The following FBN1 variants were observed in gnomAD, a reference collection of about 807,000 sequenced individuals.
FBN1 encodes the protein fibrillin-1.
In FBN1, 29 loss-of-function variants were observed where a neutral mutation model predicts 365.1. The observed-to-expected ratio is 0.08, with a 90% CI of 0.06 to 0.11. FBN1 has a LOEUF of 0.11. Among genes scored for constraint, FBN1 ranks in the 10% least tolerant of loss-of-function variants. The pLI is 1.00. For synonymous variants in FBN1, 1,210 were observed against 1,270.5 expected, an observed-to-expected ratio of 0.95 and a Z score of 1.01; for missense variants, 2,476 against 3,703.2, an observed-to-expected ratio of 0.67 and a Z score of 8.60.
intron 6 of FBN1, among the ~76,000 whole-genome samples, chr15:48,550,847 T>G (rs953309441): frequency 6.6e-6 from 1 of 152,168 alleles, no homozygotes; most frequent in African/African-American, 2.4e-5. Context: ...CTCTCACTTA[T>G]ATGATTGTCT....
Position 48,520,755 on chromosome 15 carries a change from G to C in FBN1, c.1051C>G (p.Gln351Glu). 2 of 1,614,202 alleles carry C rather than the reference G, an allele frequency of 1.2e-6. No homozygotes were observed. Among genetic ancestry groups the C allele is most frequent in the Non-Finnish European group, 8.5e-7 (1 of 1,180,036 alleles). Residue 351 changes from glutamine to glutamate, a missense_variant, in exon 10 of 66, where the codon CAG becomes GAG. Coordinates refer to ENST00000316623, the MANE Select transcript of FBN1 (RefSeq NM_000138.5). ...CAGCACTGCATTTTGGTTATGGACT[G>C]TGGCAGCTGGTTAGAGCAGCGCCCG... ...TNGRCSNQLP[Q>E]SITKMQCCCD...
chr15:48,493,786 T>C (rs2043580537), intron 23 of FBN1, among the ~76,000 whole-genome samples: 1 of 152,212 alleles, frequency 6.6e-6, no homozygotes, highest in South Asian at 2.1e-4. Flanking sequence ...AGAAACTCCA[T>C]GCAGACTTTC....
chr15:48,580,828 T>C (rs1039754319), intron 6 of FBN1, among the ~76,000 whole-genome samples: 3 of 152,208 alleles, frequency 2.0e-5, no homozygotes, highest in Non-Finnish European at 2.9e-5. Context: ...GTTACTATTC[T>C]ATCCTAAAGA....
intron 2 of FBN1, chr15:48,643,412 T>A (rs115825468): frequency 1.4e-3 from 219 of 152,326 alleles, no homozygotes; most frequent in African/African-American, 5.0e-3. Context: ...AGTGCTTGGC[T>A]CATACAATCA....
In FBN1 at chr15:48,508,374, C is replaced by A. The variant is rs73392200; in HGVS notation, c.1837+208G>T. Among the ~76,000 whole-genome samples the A allele has an allele frequency of 0.015, 2,358 of 152,282 alleles. 68 individuals are homozygous for A. The highest frequency in any genetic ancestry group is 0.055 in the African/African-American group (2,299 of 41,534). On this transcript the variant is annotated intron_variant, in intron 15 of 65. Coordinates refer to ENST00000316623, the MANE Select transcript of FBN1 (RefSeq NM_000138.5). ...GACTCCTTTGAGAAGACCTCAAATA[C>A]CCTTTCTGAAATAACAATAGTCTTC...
intron 43 of FBN1, among the ~76,000 whole-genome samples, 187 bp from the exon 44 acceptor site, chr15:48,456,949 C>T (rs1256290809): frequency 6.6e-6 from 1 of 151,674 alleles, no homozygotes; most frequent in East Asian, 1.9e-4. Flanking sequence ...AACCACTTTC[C>T]AGACATGAGT....
At chr15:48,530,726 T>C (rs2043963823) in intron 8 of FBN1, among the ~76,000 whole-genome samples, 1 of 152,134 alleles carries the variant, frequency 6.6e-6, no homozygotes, top group Non-Finnish European at 1.5e-5. Flanking sequence ...CCCCTAACAG[T>C]AAGTAGCCAT....
intron 6 of FBN1, among the ~76,000 whole-genome samples, chr15:48,555,999 G>A (rs1360598771): frequency 6.6e-6 from 1 of 152,058 alleles, no homozygotes; most frequent in Non-Finnish European, 1.5e-5. Context: ...ATGCTAAAAG[G>A]CCTTTCCAAA....
At chr15:48,485,259 A>T (rs1473978486) in intron 30 of FBN1, 115 bp downstream of exon 30, 3 of 1,345,052 alleles carry the variant, frequency 2.2e-6, no homozygotes. Flanking sequence ...TACAGTTAAA[A>T]TATATGACAA....
At position 48,600,033 on chromosome 15, in the gene FBN1, G is replaced by A. The variant is rs1476462552; in HGVS notation, c.442+106C>T. ...AAGGTCACTGGACACTTGTAAACAT[G>A]CTGTGTCCCAGGTAATCGAAGAAAA... On this transcript the variant is annotated intron_variant, in intron 5 of 65. Coordinates refer to ENST00000316623, the MANE Select transcript of FBN1 (RefSeq NM_000138.5). 17 of 827,790 alleles carry A rather than the reference G, an allele frequency of 2.1e-5. No homozygotes were observed. In the Admixed American group the frequency reaches 3.1e-4, roughly 15 times the overall value. 51.3% of individuals were successfully genotyped at this position (827,790 alleles called of 1,614,324 possible). A position where few individuals can be genotyped will look rare whatever the true frequency, so the allele number is the denominator to read the frequency against.
At chr15:48,498,671 C>T (rs1416318215) in intron 18 of FBN1, among the ~76,000 whole-genome samples, 1 of 152,114 alleles carries the variant, frequency 6.6e-6, no homozygotes, top group East Asian at 1.9e-4. Flanking sequence ...ACAAGAGAGT[C>T]AGGCTGCCCC....
At chr15:48,453,290 C>CAAAAAAAAAAAAAAAAAAAAAAAAAAAAA (rs748356141) in intron 44 of FBN1, among the ~76,000 whole-genome samples, 3 of 32,916 alleles carry the variant, frequency 9.1e-5, no homozygotes, top group Non-Finnish European at 2.3e-4. Context: ...AAAAATAAAA[C>CAAAAAAAAAAAAAAAAAAAAAAAAAAAAA]AAACAAAAAA....
intron 2 of FBN1, chr15:48,644,303 C>T (rs1890250782): frequency 4.5e-6 from 2 of 448,374 alleles, no homozygotes; most frequent in Admixed American, 6.8e-5. Flanking sequence ...GGCTTCTCCT[C>T]TTATCCCACT....
chr15:48,601,912 C>T (rs1276086369), intron 4 of FBN1, among the ~76,000 whole-genome samples: 1 of 152,232 alleles, frequency 6.6e-6, no homozygotes, highest in Non-Finnish European at 1.5e-5. Flanking sequence ...TCACGGTCCC[C>T]TCAGCATGGC....
intron 51 of FBN1, 94 bp downstream of exon 51, chr15:48,437,674 T>C (rs189493491): frequency 7.9e-7 from 1 of 1,266,146 alleles, no homozygotes; most frequent in East Asian, 2.5e-5. Flanking sequence ...TTAAATTAAA[T>C]TGTGTTACTG....
chr15:48,505,685 T>C (rs186951459), intron 15 of FBN1, among the ~76,000 whole-genome samples: 4 of 152,280 alleles, frequency 2.6e-5, no homozygotes, highest in East Asian at 1.9e-4. Flanking sequence ...AAAATGAATA[T>C]AGATTATTTT....
intron 55 of FBN1, among the ~76,000 whole-genome samples, chr15:48,432,113 T>G (rs2043026919): frequency 6.6e-6 from 1 of 152,218 alleles, no homozygotes; most frequent in East Asian, 1.9e-4. Flanking sequence ...CTTTACTTTC[T>G]GTCCTATTGT....
chr15:48,512,893 GA>G, intron 13 of FBN1, among the ~76,000 whole-genome samples: 1 of 152,152 alleles, frequency 6.6e-6, no homozygotes, highest in Non-Finnish European at 1.5e-5. Context: ...TTCTGTTTTA[GA>G]AACTCAGTAC....
chr15:48,644,607 C>G lies in FBN1; in HGVS notation c.163G>C (p.Gly55Arg). ...AAAGGAGGGAACCGGTTCCTTTACC[C>G]TTTAAGCGCGTCGTGTCCTCCACCG... is the stretch of plus-strand genomic sequence containing the variant. ...RGGGGHDALK[G>R]PNVCGSRYNA... is the part of the protein sequence containing the mutation. The change falls in exon 2 of 66, where the codon GGA becomes CGA. Residue 55 changes from glycine (G) to arginine (R), a missense_variant and splice_region_variant. Physicochemically the swap from Gly to Arg is moderately radical, Grantham distance 125. Around this residue, in one of 5 missense-constraint regions of FBN1, gnomAD observed 76 missense variants for 85.4 expected, o/e 0.89. Transcript: ENST00000316623. 6.2e-7 allele frequency: 1 copy of G among 1,614,160 alleles called. No individual in the cohort carries two copies. Among genetic ancestry groups the G allele is most frequent in the Non-Finnish European group, 8.5e-7 (1 of 1,180,022 alleles).
Sources: gnomAD v4.1 joint callset for allele counts (sites outside exome capture counted in the v4.1 genomes callset) on GRCh38, gnomAD v4.1.1 for gene constraint, gnomAD v4.1.1 regional missense constraint, MANE v1.5 for transcripts, NCBI Gene and HGNC (gene_info 2026-07-23, HGNC 2026-07-21) for gene names.